NPFFR2: variants seen among roughly 807,000 people sequenced by gnomAD.
NPFFR2 encodes the protein neuropeptide FF receptor 2, also known as G-protein coupled receptor 74.
A neutral mutation model predicts 13.1 loss-of-function variants in NPFFR2; 15 were observed. The ratio of observed to expected loss-of-function variants is 1.15; its 90% confidence interval spans 0.77 to 1.76. The LOEUF is 1.76. Ranked by LOEUF, NPFFR2 falls within the 40% of genes most tolerant of loss-of-function variation. NPFFR2 has a pLI of 0.00. For synonymous variants in NPFFR2, 190 were observed against 175.7 expected, an observed-to-expected ratio of 1.08 and a Z score of -0.65; for missense variants, 572 against 503.5, an observed-to-expected ratio of 1.14 and a Z score of -1.30.
chr4:72,071,349 T>C lies in NPFFR2; in HGVS notation c.-8+39149T>C, dbSNP rs1290799442. On this transcript the variant is annotated intron_variant, in intron 1 of 3. Transcript: ENST00000308744. Reference sequence around the variant, plus strand: ...GCAAGATTTGACACTTTATTGATTTTTGAGTATTAAGTGAGATTTTGTTTT... The same window carrying C: ...GCAAGATTTGACACTTTATTGATTTCTGAGTATTAAGTGAGATTTTGTTTT... Among the ~76,000 whole-genome samples, 5 of 152,128 alleles carry C rather than the reference T, an allele frequency of 3.3e-5. No homozygotes were observed. In the East Asian group the frequency reaches 7.7e-4, roughly 23 times the overall value.
intron 1 of NPFFR2, among the ~76,000 whole-genome samples, chr4:72,036,574 A>C (rs1175084995): frequency 1.4e-5 from 2 of 148,026 alleles, no homozygotes; most frequent in Non-Finnish European, 1.5e-5. Context: ...ATACATTTAA[A>C]TATATAGTAT....
rs148970744 is a variant in NPFFR2 at position 72,128,699 on chromosome 4, C to G, written c.108C>G (p.Asn36Lys). 3.8e-4 allele frequency: 617 copies of G among 1,613,766 alleles called. 1 individual carries two copies. The African/African-American group carries it at 7.1e-3, about 18-fold the overall frequency. Residue 36 changes from asparagine (N) to lysine (K), a missense_variant, in exon 2 of 4, where the codon AAC becomes AAG. Physicochemically the swap from Asn to Lys is moderately conservative, Grantham distance 94. Coordinates refer to ENST00000308744, the MANE Select transcript of NPFFR2 (RefSeq NM_004885.3). ...CAGATATTAATATTACCTATGTGAA[C>G]TACTATCTTCACCAGCCTCAAGTGG... ...LYSDINITYV[N>K]YYLHQPQVAA...
intron 1 of NPFFR2, among the ~76,000 whole-genome samples, chr4:72,088,084 G>T (rs530206114): frequency 6.6e-6 from 1 of 151,842 alleles, no homozygotes; most frequent in Non-Finnish European, 1.5e-5. Context: ...CTCAAATTCC[G>T]AGAGAGAGAG....
chr4:72,063,185 A>T (rs1348132559), intron 1 of NPFFR2, among the ~76,000 whole-genome samples: 1 of 152,220 alleles, frequency 6.6e-6, no homozygotes, highest in Non-Finnish European at 1.5e-5. Context: ...GAAAATTTAG[A>T]GCATCTGCAT....
intron 1 of NPFFR2, among the ~76,000 whole-genome samples, chr4:72,122,282 A>G (rs1052447148): frequency 1.2e-4 from 19 of 152,206 alleles, no homozygotes; most frequent in African/African-American, 4.6e-4. Flanking sequence ...AAAGAGACTT[A>G]GACTCCCACG....
chr4:72,045,104 A>G lies in NPFFR2; in HGVS notation c.-8+12904A>G, dbSNP rs142742944. On this transcript the variant is annotated intron_variant, in intron 1 of 3. Coordinates refer to ENST00000308744, the MANE Select transcript of NPFFR2 (RefSeq NM_004885.3). ...TGGGTCCAGTTTCTTTCTTCCACAT[A>G]TGGATATCCAATTTTCCCAGTACCA... is the stretch of plus-strand genomic sequence containing the variant. Among the ~76,000 whole-genome samples, 195 of 152,234 alleles carry G rather than the reference A, an allele frequency of 1.3e-3. 1 individual carries two copies. Among genetic ancestry groups the G allele is most frequent in the African/African-American group, 4.5e-3 (186 of 41,554 alleles).
At chr4:72,042,014 G>GT (rs1719235130) in intron 1 of NPFFR2, among the ~76,000 whole-genome samples, 2 of 152,052 alleles carry the variant, frequency 1.3e-5, no homozygotes, top group African/African-American at 4.8e-5. Context: ...GTCAATTTTT[G>GT]TTTTTGTTGC....
At chr4:72,123,666 A>C (rs1007709173) in intron 1 of NPFFR2, among the ~76,000 whole-genome samples, 11 of 152,186 alleles carry the variant, frequency 7.2e-5, no homozygotes, top group African/African-American at 2.7e-4. Flanking sequence ...CAAAAACCAC[A>C]TGATTATCTC....
At chr4:72,111,764 A>G (rs1330640282) in intron 1 of NPFFR2, among the ~76,000 whole-genome samples, 2 of 152,032 alleles carry the variant, frequency 1.3e-5, no homozygotes, top group African/African-American at 4.8e-5. Context: ...TTAGCACATA[A>G]TATCTATCCC....
intron 1 of NPFFR2, among the ~76,000 whole-genome samples, chr4:72,127,227 C>A (rs1423307740): frequency 1.6e-5 from 2 of 127,630 alleles, no homozygotes; most frequent in East Asian, 2.4e-4. Context: ...TGGCGTGAAC[C>A]CGGGAGGTGG....
At chr4:72,059,609 T>C (rs1028209987) in intron 1 of NPFFR2, among the ~76,000 whole-genome samples, 9 of 152,122 alleles carry the variant, frequency 5.9e-5, no homozygotes, top group African/African-American at 2.2e-4. Flanking sequence ...TTTGGTTTAC[T>C]ATCTTTGGGG....
At chr4:72,088,830 A>G (rs1009863816) in intron 1 of NPFFR2, among the ~76,000 whole-genome samples, 3 of 151,900 alleles carry the variant, frequency 2.0e-5, no homozygotes, top group African/African-American at 7.3e-5. Flanking sequence ...TGGGGAAAAC[A>G]ATTCTTTTTT....
chr4:72,066,753 G>A (rs1720083740), intron 1 of NPFFR2, among the ~76,000 whole-genome samples: 1 of 152,154 alleles, frequency 6.6e-6, no homozygotes, highest in African/African-American at 2.4e-5. Flanking sequence ...TTGACTCCAT[G>A]TCTCACATTC....
intron 1 of NPFFR2, among the ~76,000 whole-genome samples, chr4:72,053,540 G>GT (rs1348662111): frequency 1.3e-5 from 2 of 151,564 alleles, no homozygotes; most frequent in East Asian, 3.9e-4. Context: ...CATGTATTTT[G>GT]TTTTTTTATT....
chr4:72,083,320 G>C (rs1047581691), intron 1 of NPFFR2, among the ~76,000 whole-genome samples: 3 of 152,160 alleles, frequency 2.0e-5, no homozygotes, highest in East Asian at 1.9e-4. Flanking sequence ...AGCATACAAG[G>C]GTTCTCTTTT....
intron 1 of NPFFR2, among the ~76,000 whole-genome samples, chr4:72,122,234 A>G (rs1019713414): frequency 6.6e-6 from 1 of 152,186 alleles, no homozygotes; most frequent in Admixed American, 6.5e-5. Context: ...CCCATACAGG[A>G]GCACCCAGAT....
intron 3 of NPFFR2, among the ~76,000 whole-genome samples, chr4:72,140,085 T>A (rs1387648999): frequency 1.3e-5 from 2 of 152,214 alleles, no homozygotes; most frequent in Non-Finnish European, 2.9e-5. Context: ...TAGGAATGCT[T>A]GTGATTTTTG....
intron 1 of NPFFR2, among the ~76,000 whole-genome samples, chr4:72,100,369 C>T (rs1316117310): frequency 6.6e-6 from 1 of 152,092 alleles, no homozygotes; most frequent in Non-Finnish European, 1.5e-5. Context: ...GCTACTTAAT[C>T]TTCCTAACTT....
chr4:72,138,532 ATAGT>A (rs1722493887), intron 3 of NPFFR2, among the ~76,000 whole-genome samples: 1 of 150,082 alleles, frequency 6.7e-6, no homozygotes, highest in African/African-American at 2.5e-5. Flanking sequence ...TGTCCTTGTG[ATAGT>A]TAGCTGAGAA....
Sources: allele counts gnomAD v4.1 joint callset (sites outside exome capture counted in the v4.1 genomes callset), GRCh38; gene constraint gnomAD v4.1.1; transcripts MANE v1.5; gene names NCBI Gene and HGNC (gene_info 2026-07-23, HGNC 2026-07-21).